The following OR10G3 variants were observed in gnomAD, a reference collection of about 807,000 sequenced individuals.
The protein encoded by OR10G3 is olfactory receptor 10G3.
Under a neutral mutation model 13.4 loss-of-function variants are expected in OR10G3, and 8 were observed. The ratio of observed to expected loss-of-function variants is 0.60; its 90% confidence interval spans 0.35 to 1.08. The LOEUF (loss-of-function observed/expected upper bound fraction) is 1.08. Ranked by LOEUF, OR10G3 falls within the 50% of genes least tolerant of loss-of-function variation. OR10G3 has a pLI of 0.02. For missense variants in OR10G3, 393 were observed against 386.6 expected (o/e 1.02, Z -0.14); for synonymous variants, 142 against 156.1 (o/e 0.91, Z 0.67).
Position 21,569,850 on chromosome 14 carries a change from C to T in OR10G3, c.895G>A (p.Ala299Thr). ...YTLRNQEVKL[A>T]LKRMLRSPRT... ...GGGCTTCTGAGCATTCTTTTCAGGG[C>T]CAGCTTCACCTCTTGGTTCCGCAGA... Residue 299 changes from alanine to threonine, a missense_variant, in exon 2 of 2, where the codon GCC (alanine) becomes ACC (threonine). Coordinates refer to ENST00000641040, the MANE Select transcript of OR10G3 (RefSeq NM_001005465.2). 6.2e-7 allele frequency: 1 copy of T among 1,614,142 alleles called. No homozygotes were observed. Among genetic ancestry groups the T allele is most frequent in the South Asian group, 1.1e-5 (1 of 91,072 alleles).
intron 1 of OR10G3, among the ~76,000 whole-genome samples, chr14:21,572,099 C>T (rs1893075369): frequency 6.7e-6 from 1 of 150,266 alleles, no homozygotes; most frequent in African/African-American, 2.4e-5. Context: ...CAAGACTAGC[C>T]TGAACAACAT....
rs1566535470 is a variant in OR10G3 at position 21,569,893 on chromosome 14, G to C, written c.852C>G (p.Leu284=). Residue 284 remains leucine (L), a synonymous_variant, in exon 2 of 2, where the codon CTC becomes CTG. Transcript: ENST00000641040. ...TCCGCAGAGTGTAGATAAGGGGGTTGAGGAAAGGAGTGATGGCCGTGGGGA... is the reference window on the plus strand; with the variant it reads ...TCCGCAGAGTGTAGATAAGGGGGTTCAGGAAAGGAGTGATGGCCGTGGGGA... ...ALVPTAITPF[L]NPLIYTLRNQ... The C allele has an allele frequency of 5.6e-6, 9 of 1,602,698 alleles. No homozygotes were observed. Among genetic ancestry groups the C allele is most frequent in the Non-Finnish European group, 7.7e-6 (9 of 1,174,028 alleles).
In OR10G3 at chr14:21,569,529, A is replaced by T. The variant is rs1165092057; in HGVS notation, c.*274T>A. 6.1e-6 allele frequency: 2 copies of T among 328,122 alleles called. No homozygotes were observed. Among genetic ancestry groups the T allele is most frequent in the African/African-American group, 4.3e-5 (2 of 46,116 alleles). The allele number at this position is 328,122 out of a possible 1,614,324, so 20.3% of individuals were successfully genotyped here. ...GAGAATTTATTACTGAGACATTGGA[A>T]AATACACTATTGCATTCTTTCTTCT... On this transcript the variant is annotated 3_prime_UTR_variant, in exon 2 of 2. Coordinates refer to ENST00000641040, the MANE Select transcript of OR10G3 (RefSeq NM_001005465.2).
At chr14:21,573,630 C>T in intron 1 of OR10G3, among the ~76,000 whole-genome samples, 1 of 151,430 alleles carries the variant, frequency 6.6e-6, no homozygotes, top group East Asian at 1.9e-4. Flanking sequence ...TGAGATTGTG[C>T]CACTGCACTC....
intron 1 of OR10G3, 116 bp downstream of exon 1, chr14:21,579,670 A>G (rs1181041502): frequency 6.6e-6 from 1 of 152,208 alleles, no homozygotes; most frequent in Non-Finnish European, 1.5e-5. Context: ...AAGAATATTG[A>G]GAGATGAAGT....
At chr14:21,575,028 A>G (rs1386510196) in intron 1 of OR10G3, 1 of 152,222 alleles carries the variant, frequency 6.6e-6, no homozygotes, top group African/African-American at 2.4e-5. Flanking sequence ...GAGACTGTGG[A>G]TCCAATTTTG....
At chr14:21,573,637 A>C (rs1394106975) in intron 1 of OR10G3, among the ~76,000 whole-genome samples, 1 of 150,804 alleles carries the variant, frequency 6.6e-6, no homozygotes, top group Non-Finnish European at 1.5e-5. Flanking sequence ...GTGCCACTGC[A>C]CTCCAGCCTG....
At chr14:21,576,360 A>G (rs1343315980) in intron 1 of OR10G3, among the ~76,000 whole-genome samples, 5 of 152,202 alleles carry the variant, frequency 3.3e-5, no homozygotes, top group Non-Finnish European at 7.3e-5. Flanking sequence ...TGAAATTAGG[A>G]ATCAAATGTG....
At chr14:21,575,611 C>T (rs1893119929) in intron 1 of OR10G3, among the ~76,000 whole-genome samples, 1 of 152,012 alleles carries the variant, frequency 6.6e-6, no homozygotes, top group Non-Finnish European at 1.5e-5. Context: ...GAACCCCTGA[C>T]CTCATGATCT....
rs894398687 is a variant in OR10G3, at chr14:21,580,069, G to T, written c.-301C>A. On this transcript the variant is annotated 5_prime_UTR_variant, in exon 1 of 2. Coordinates refer to ENST00000641040, the MANE Select transcript of OR10G3 (RefSeq NM_001005465.2). ...CTTACTGAAGATAACTGTTAAGGTT[G>T]GTCTCTCCTGTGTTCTACTACTTCT... 3.9e-5 allele frequency: 6 copies of T among 152,152 alleles called. No individual in the cohort carries two copies. Among genetic ancestry groups the T allele is most frequent in the African/African-American group, 1.4e-4 (6 of 41,430 alleles). The allele number at this position is 152,152 out of a possible 1,614,324, so 9.4% of individuals were successfully genotyped here. A position where few individuals can be genotyped will look rare whatever the true frequency, so the allele number is the denominator to read the frequency against.
intron 1 of OR10G3, among the ~76,000 whole-genome samples, chr14:21,578,346 G>T (rs1450971999): frequency 6.6e-6 from 1 of 152,072 alleles, no homozygotes; most frequent in African/African-American, 2.4e-5. Context: ...GGAAGGCAGA[G>T]GTTGCAGTGA....
Position 21,569,724 on chromosome 14 carries a change from A to G in OR10G3, c.*79T>C. 1 of 1,199,728 alleles carries G rather than the reference A, an allele frequency of 8.3e-7. No homozygotes were observed. The highest frequency in any genetic ancestry group is 1.2e-6 in the Non-Finnish European group (1 of 857,062). The allele number at this position is 1,199,728 out of a possible 1,614,324, so 74.3% of individuals were successfully genotyped here. A position where few individuals can be genotyped will look rare whatever the true frequency, so the allele number is the denominator to read the frequency against. On this transcript the variant is annotated 3_prime_UTR_variant, in exon 2 of 2. Transcript: ENST00000641040. ...TATATAAAAGAGAAAAAACAAGAAG[A>G]AAAGAAAAAAGTTACCGAAGCCTAA...
Position 21,575,659 on chromosome 14 carries a change from G to A in OR10G3, c.-18+4127C>T, listed in dbSNP as rs146167985. 2.7e-3 allele frequency among the ~76,000 whole-genome samples: 405 copies of A among 152,280 alleles called. 1 individual carries two copies. Among genetic ancestry groups the A allele is most frequent in the African/African-American group, 8.8e-3 (365 of 41,542 alleles). On this transcript the variant is annotated intron_variant, in intron 1 of 1. Transcript: ENST00000641040. ...CTCCCAAAGTACTGGGATTACAGGC[G>A]TGGGCCACTGCCCTCGGCTCAATAG... is the stretch of plus-strand genomic sequence containing the variant.
chr14:21,568,707 T>C lies in OR10G3; in HGVS notation c.*1096A>G, dbSNP rs914101621. 6.6e-6 allele frequency: 1 copy of C among 150,710 alleles called. No individual in the cohort carries two copies. Among genetic ancestry groups the C allele is most frequent in the African/African-American group, 2.4e-5 (1 of 41,046 alleles). The allele number at this position is 150,710 out of a possible 1,614,324, so 9.3% of individuals were successfully genotyped here. ...AGTCAGGGGTCTCTTTGTTTTTTTTTTTTTTATTTTTTTATTTTTTTGAGA... is the reference window on the plus strand; with the variant it reads ...AGTCAGGGGTCTCTTTGTTTTTTTTCTTTTTATTTTTTTATTTTTTTGAGA... On this transcript the variant is annotated 3_prime_UTR_variant, in exon 2 of 2. Transcript: ENST00000641040.
chr14:21,569,987 T>C lies in OR10G3; in HGVS notation c.758A>G (p.Tyr253Cys). ...CAGGTAGATGAAGGCACAGGGCACA[T>C]AGTACACGGTGACCACGGTTACATG... ...GAHVTVVTVYYVPCAFIYLRP... is the reference protein window; with the variant it reads ...GAHVTVVTVYCVPCAFIYLRP... The change falls in exon 2 of 2, where the codon TAT becomes TGT. Residue 253 changes from tyrosine (Y) to cysteine (C), a missense_variant. Coordinates refer to ENST00000641040, the MANE Select transcript of OR10G3 (RefSeq NM_001005465.2). 1 of 1,613,776 alleles carries C rather than the reference T, an allele frequency of 6.2e-7. No homozygotes were observed. Among genetic ancestry groups the C allele is most frequent in the Non-Finnish European group, 8.5e-7 (1 of 1,179,754 alleles).
rs1407201311 is a variant in OR10G3 at position 21,570,371 on chromosome 14, A to G, written c.374T>C (p.Leu125Pro). ...GTAGCGCAGGGGCTGACATATTGCC[A>G]GGTACCTGTCATAGGCCATTAGGGT... Reference protein sequence around the residue: ...LYTLMAYDRYLAICQPLRYPV... With the variant: ...LYTLMAYDRYPAICQPLRYPV... The change falls in exon 2 of 2, where the codon CTG (leucine) becomes CCG (proline). Residue 125 changes from leucine to proline, a missense_variant. Transcript: ENST00000641040. 1 of 1,614,172 alleles carries G rather than the reference A, an allele frequency of 6.2e-7. No individual in the cohort carries two copies.
chr14:21,577,923 A>G (rs1876797213), intron 1 of OR10G3, among the ~76,000 whole-genome samples: 1 of 152,000 alleles, frequency 6.6e-6, no homozygotes, highest in Non-Finnish European at 1.5e-5. Flanking sequence ...AATCGCTGGA[A>G]CCTGGGAGGC....
chr14:21,579,657 A>C (rs1425169293), intron 1 of OR10G3, 129 bp downstream of exon 1: 1 of 152,252 alleles, frequency 6.6e-6, no homozygotes, highest in African/African-American at 2.4e-5. Context: ...TAACTAAACA[A>C]GTAAGAATAT....
rs998668762 is a variant in OR10G3 at position 21,568,565 on chromosome 14, G to C, written c.*1238C>G. The C allele has an allele frequency of 6.6e-6, 1 of 152,166 alleles. No homozygotes were observed. The highest frequency in any genetic ancestry group is 1.5e-5 in the Non-Finnish European group (1 of 68,042). The allele number at this position is 152,166 out of a possible 1,614,324, so 9.4% of individuals were successfully genotyped here. ...TTCAATAGTTTTTGGAGTACAGGTG[G>C]TTTTTGGTTACATGGATAAGTTCTT... On this transcript the variant is annotated 3_prime_UTR_variant, in exon 2 of 2. Transcript: ENST00000641040.
Sources: gnomAD v4.1 joint callset for allele counts (sites outside exome capture counted in the v4.1 genomes callset) on GRCh38, gnomAD v4.1.1 for gene constraint, MANE v1.5 for transcripts, NCBI Gene and HGNC (gene_info 2026-07-23, HGNC 2026-07-21) for gene names.